DNM3: variants seen among roughly 807,000 people sequenced by gnomAD.
DNM3 encodes the protein dynamin 3.
DNM3 carries 47 observed loss-of-function variants against 101.6 expected under a neutral mutation model. That is an observed-to-expected ratio of 0.46 (90% CI 0.37 to 0.59). The LOEUF (loss-of-function observed/expected upper bound fraction) is 0.59, where lower values mean the gene tolerates loss of function less well. Ranked by LOEUF, DNM3 falls within the 20% of genes least tolerant of loss-of-function variation. The pLI is 0.00. For missense variants in DNM3, 849 were observed against 1,085.7 expected (o/e 0.78, Z 3.06); for synonymous variants, 385 against 387.9 (o/e 0.99, Z 0.09).
intron 16 of DNM3, among the ~76,000 whole-genome samples, chr1:172,315,505 A>G (rs935033149): frequency 1.3e-5 from 2 of 152,186 alleles, no homozygotes; most frequent in African/African-American, 4.8e-5. Context: ...ATTTAGACAA[A>G]TGTATAACTA....
Position 172,068,842 on chromosome 1 carries a change from C to T in DNM3, c.1359C>T (p.Cys453=), listed in dbSNP as rs745483384. The T allele has an allele frequency of 1.5e-5, 23 of 1,573,970 alleles. No individual in the cohort carries two copies. In the East Asian group the frequency reaches 2.6e-4, roughly 18 times the overall value. ...TKKLANFPRL[C]EETERIVANH... is the part of the protein sequence containing the mutation. ...AGCTGGCAAACTTCCCCAGACTCTG[C>T]GAGGAAACGGAAAGGATTGTTGCTA... The change falls in exon 11 of 21, where the codon TGC becomes TGT. Residue 453 remains cysteine, a synonymous_variant. Coordinates refer to ENST00000627582, the MANE Select transcript of DNM3 (RefSeq NM_015569.5).
At chr1:171,895,596 C>T (rs1202171832) in intron 1 of DNM3, among the ~76,000 whole-genome samples, 2 of 152,142 alleles carry the variant, frequency 1.3e-5, no homozygotes, top group Admixed American at 1.3e-4. Context: ...GTTGCCTGTT[C>T]ACTCTGATGG....
rs1490067757 is a variant in DNM3, at chr1:171,841,576, A to T, written c.-81A>T. The T allele has an allele frequency of 1.3e-6, 2 of 1,520,050 alleles. No homozygotes were observed. The highest frequency in any genetic ancestry group is 1.8e-6 in the Non-Finnish European group (2 of 1,136,340). The allele number at this position is 1,520,050 out of a possible 1,614,324, so 94.2% of individuals were successfully genotyped here. A position where few individuals can be genotyped will look rare whatever the true frequency, so the allele number is the denominator to read the frequency against. ...TGGCTGAGCCCGGCGCAGCAGCAGC[A>T]GCCAGGGCAGCGCGGCCCCTACTCC... On this transcript the variant is annotated 5_prime_UTR_variant, in exon 1 of 21. Coordinates refer to ENST00000627582, the MANE Select transcript of DNM3 (RefSeq NM_015569.5).
intron 14 of DNM3, chr1:172,138,442 G>A (rs923537775): frequency 6.7e-6 from 1 of 149,872 alleles, no homozygotes; most frequent in Non-Finnish European, 1.5e-5. Context: ...TCTTTGTTAA[G>A]CATCAGACTG....
chr1:172,227,176 A>G (rs1458063655), intron 14 of DNM3, among the ~76,000 whole-genome samples: 4 of 149,266 alleles, frequency 2.7e-5, no homozygotes, highest in South Asian at 4.2e-4. Flanking sequence ...TTCATTCCTG[A>G]GTTAGTTCAC....
chr1:171,909,203 G>A (rs1419278491), intron 1 of DNM3, among the ~76,000 whole-genome samples: 1 of 152,152 alleles, frequency 6.6e-6, no homozygotes, highest in Non-Finnish European at 1.5e-5. Flanking sequence ...CACTTTGGGA[G>A]GCCGAGCTGG....
At chr1:172,337,118 C>T (rs2066468171) in intron 17 of DNM3, among the ~76,000 whole-genome samples, 2 of 152,184 alleles carry the variant, frequency 1.3e-5, no homozygotes, top group South Asian at 2.1e-4. Flanking sequence ...TATCCTCATT[C>T]TCCAAATATC....
intron 1 of DNM3, among the ~76,000 whole-genome samples, chr1:171,879,010 G>A (rs902738118): frequency 1.6e-4 from 24 of 152,170 alleles, no homozygotes; most frequent in Non-Finnish European, 2.5e-4. Flanking sequence ...CTGTCAGAGT[G>A]TATGTAGTTA....
At chr1:172,334,917 C>A (rs893508482) in intron 17 of DNM3, among the ~76,000 whole-genome samples, 3 of 151,916 alleles carry the variant, frequency 2.0e-5, no homozygotes, top group Admixed American at 1.3e-4. Context: ...CCTCTAAAAG[C>A]CTGTTTCAAA....
At position 172,379,028 on chromosome 1, in the gene DNM3, A is replaced by G. The variant is rs762888057; in HGVS notation, c.1904A>G (p.Asp635Gly). 1.9e-6 allele frequency: 3 copies of G among 1,609,796 alleles called. No homozygotes were observed. The African/African-American group carries it at 4.0e-5, about 22-fold the overall frequency. Reference sequence around the variant, plus strand: ...TTTCTCTTCTTTTAGGCTGAAAATGATGAGAATGGACAAGCAGAAAACTTT... The same window carrying G: ...TTTCTCTTCTTTTAGGCTGAAAATGGTGAGAATGGACAAGCAGAAAACTTT... Reference protein sequence around the residue: ...KSVGNNKAENDENGQAENFSM... With the variant: ...KSVGNNKAENGENGQAENFSM... The change falls in exon 18 of 21, where the codon GAT becomes GGT. Residue 635 changes from aspartate (D) to glycine (G), a missense_variant. By Grantham distance (94) the Asp-to-Gly change is moderately conservative. Coordinates refer to ENST00000627582, the MANE Select transcript of DNM3 (RefSeq NM_015569.5).
intron 1 of DNM3, among the ~76,000 whole-genome samples, chr1:171,856,736 C>T (rs143438664): frequency 6.6e-6 from 1 of 152,024 alleles, no homozygotes; most frequent in Admixed American, 6.6e-5. Context: ...TATCCTGAAA[C>T]CTTGATGAAG....
intron 14 of DNM3, among the ~76,000 whole-genome samples, chr1:172,190,136 A>T (rs576601586): frequency 6.6e-6 from 1 of 150,606 alleles, no homozygotes; most frequent in African/African-American, 2.4e-5. Context: ...AATTAGGTAT[A>T]TCTCCTAATG....
chr1:171,976,423 G>A lies in DNM3; in HGVS notation c.236-11233G>A, dbSNP rs536957136. ...GGAGAAAAGTCACATCTTATATGGC[G>A]GCAGGCAAGAGAACATGTGCAGGGG... On this transcript the variant is annotated intron_variant, in intron 2 of 20. Coordinates refer to ENST00000627582, the MANE Select transcript of DNM3 (RefSeq NM_015569.5). Among the ~76,000 whole-genome samples the A allele has an allele frequency of 2.6e-4, 39 of 152,284 alleles. No individual in the cohort carries two copies. The South Asian group carries it at 2.7e-3, about 11-fold the overall frequency.
At chr1:172,262,276 G>A (rs2062687669) in intron 15 of DNM3, among the ~76,000 whole-genome samples, 1 of 152,172 alleles carries the variant, frequency 6.6e-6, no homozygotes, top group African/African-American at 2.4e-5. Context: ...CCTCTGCAGA[G>A]GGCCACAGGT....
At chr1:171,973,160 G>A (rs1459857273) in intron 2 of DNM3, among the ~76,000 whole-genome samples, 1 of 152,202 alleles carries the variant, frequency 6.6e-6, no homozygotes, top group Non-Finnish European at 1.5e-5. Context: ...AGAATGAACA[G>A]TTGATAACAA....
chr1:171,845,572 A>G (rs1272536094), intron 1 of DNM3, among the ~76,000 whole-genome samples: 2 of 152,206 alleles, frequency 1.3e-5, no homozygotes, highest in Non-Finnish European at 2.9e-5. Context: ...ATAATAAACA[A>G]GAAGCTACTA....
intron 16 of DNM3, among the ~76,000 whole-genome samples, chr1:172,318,925 G>A (rs1253578861): frequency 2.6e-5 from 4 of 152,042 alleles, no homozygotes; most frequent in African/African-American, 4.8e-5. Context: ...AGCCTGCATC[G>A]CCAAGTCAAT....
intron 14 of DNM3, among the ~76,000 whole-genome samples, chr1:172,234,334 T>A (rs1172635017): frequency 2.0e-5 from 3 of 152,080 alleles, no homozygotes; most frequent in Admixed American, 2.0e-4. Flanking sequence ...TTACAAAAGA[T>A]GTGAAGGACG....
intron 11 of DNM3, among the ~76,000 whole-genome samples, chr1:172,069,580 C>T (rs1220893997): frequency 6.6e-6 from 1 of 152,106 alleles, no homozygotes; most frequent in Non-Finnish European, 1.5e-5. Flanking sequence ...GAATAAAAAT[C>T]TTCTTAGGTT....
Sources: allele counts gnomAD v4.1 joint callset (sites outside exome capture counted in the v4.1 genomes callset), GRCh38; gene constraint gnomAD v4.1.1; transcripts MANE v1.5; gene names NCBI Gene and HGNC (gene_info 2026-07-23, HGNC 2026-07-21).